Variants in DNAH8 observed in about 807,000 individuals in gnomAD.
DNAH8 encodes dynein axonemal heavy chain 8, also known as axonemal beta dynein heavy chain 8.
Under a neutral mutation model 562.1 loss-of-function variants are expected in DNAH8, and 382 were observed. The observed-to-expected ratio is 0.68, with a 90% confidence interval of 0.63 to 0.74. DNAH8 has a LOEUF of 0.74. DNAH8 is among the 30% of genes least tolerant of loss of function. The pLI is 0.00. For synonymous variants in DNAH8, 1,881 were observed against 1,919.4 expected (o/e 0.98, Z 0.52); for missense variants, 5,203 against 5,620.4 (o/e 0.93, Z 2.37).
chr6:39,017,882 AAG>A (rs1169282413), intron 91 of DNAH8, among the ~76,000 whole-genome samples: 7 of 152,298 alleles, frequency 4.6e-5, no homozygotes, highest in South Asian at 4.1e-4. Context: ...GCTTGTCTTG[AAG>A]AGTTATAAAA....
chr6:38,982,501 C>A, intron 86 of DNAH8, 39 bp downstream of exon 86: 1 of 1,058,128 alleles, frequency 9.5e-7, no homozygotes, highest in South Asian at 1.3e-5. Context: ...TTTTATTGCT[C>A]TTCTTAAATC....
Position 38,845,615 on chromosome 6 carries a change from C to T in DNAH8, c.4887C>T (p.Ala1629=), listed in dbSNP as rs1225011301. The change falls in exon 36 of 93, where the codon GCC becomes GCT. Residue 1629 remains alanine (A), a synonymous_variant. Coordinates refer to ENST00000327475, the MANE Select transcript of DNAH8 (RefSeq NM_001206927.2). ...CCATTAAGGAGAAGGATATCGAAGC[C>T]AAGCTGACTCAGGTGATTGAGAATT... is the stretch of plus-strand genomic sequence containing the variant. ...ISAIKEKDIE[A]KLTQVIENWT... 2 of 1,613,894 alleles carry T rather than the reference C, an allele frequency of 1.2e-6. No individual in the cohort carries two copies. The highest frequency in any genetic ancestry group is 1.7e-6 in the Non-Finnish European group (2 of 1,179,850).
Position 38,890,770 on chromosome 6 carries a change from T to A in DNAH8, c.8583+9T>A, listed in dbSNP as rs1464484221. 2 of 1,588,928 alleles carry A rather than the reference T, an allele frequency of 1.3e-6. No homozygotes were observed. Among genetic ancestry groups the A allele is most frequent in the East Asian group, 2.2e-5 (1 of 44,732 alleles). ...TGTGGCAATGGACTAAGGTACAGAA[T>A]GGTTTGTCAATAATTTTTAAAAAGG... On this transcript the variant is annotated intron_variant, in intron 58 of 92. Coordinates refer to ENST00000327475, the MANE Select transcript of DNAH8 (RefSeq NM_001206927.2).
chr6:38,818,172 A>G (rs1406504112), intron 26 of DNAH8, among the ~76,000 whole-genome samples: 1 of 152,230 alleles, frequency 6.6e-6, no homozygotes, highest in African/African-American at 2.4e-5. Flanking sequence ...TAATTTTTCC[A>G]AAGTCACAAA....
chr6:38,988,948 C>T (rs971870853), intron 87 of DNAH8, among the ~76,000 whole-genome samples: 1 of 152,166 alleles, frequency 6.6e-6, no homozygotes, highest in African/African-American at 2.4e-5. Context: ...TTGGCTCATC[C>T]CTCCGCTGGG....
chr6:38,918,084 T>G lies in DNAH8; in HGVS notation c.10468T>G (p.Trp3490Gly). 1.9e-6 allele frequency: 3 copies of G among 1,613,904 alleles called. No homozygotes were observed. The highest frequency in any genetic ancestry group is 2.5e-6 in the Non-Finnish European group (3 of 1,179,898). ...TGGGAATGTGGCTGGTCTCCTGTCT[T>G]GGACACTTGCTATGGCAATATTTTA... ...VCGNVAGLLS[W>G]TLAMAIFYGI... Residue 3490 changes from tryptophan to glycine, a missense_variant, in exon 70 of 93, where the codon TGG (tryptophan) becomes GGG (glycine). By Grantham distance (184) the Trp-to-Gly change is radical (BLOSUM62 -2). This residue lies in a region of DNAH8 where 1,399 missense variants were observed against 1,518.4 expected (regional missense o/e 0.92). Transcript: ENST00000327475.
rs751582101 is a variant in DNAH8 at position 38,863,974 on chromosome 6, G to A, written c.6412G>A (p.Ala2138Thr). ...ACAACAAATTTATATTGTTTTGACAGCAAGAAAAGAAAGAAAGAAACAGTT... is the reference window on the plus strand; with the variant it reads ...ACAACAAATTTATATTGTTTTGACAACAAGAAAAGAAAGAAAGAAACAGTT... ...AAQQIYIVLT[A>T]RKERKKQFIF... The change falls in exon 45 of 93, where the codon GCA becomes ACA. Residue 2138 changes from alanine (A) to threonine (T), a missense_variant. Ala to Thr is a moderately conservative substitution (Grantham distance 58, BLOSUM62 0). This residue lies in a region of DNAH8 where 2,176 missense variants were observed against 2,365.1 expected (regional missense o/e 0.92). Coordinates refer to ENST00000327475, the MANE Select transcript of DNAH8 (RefSeq NM_001206927.2). 60 of 1,612,492 alleles carry A rather than the reference G, an allele frequency of 3.7e-5. No homozygotes were observed. The South Asian group carries it at 6.1e-4, about 16-fold the overall frequency.
At chr6:38,821,230 A>G (rs1201507401) in intron 26 of DNAH8, among the ~76,000 whole-genome samples, 1 of 152,232 alleles carries the variant, frequency 6.6e-6, no homozygotes, top group Non-Finnish European at 1.5e-5. Context: ...AAAATGAAAT[A>G]AAACAATTTA....
Position 38,890,767 on chromosome 6 carries a change from G to T in DNAH8, c.8583+6G>T, listed in dbSNP as rs780566785. 86 of 1,593,308 alleles carry T rather than the reference G, an allele frequency of 5.4e-5. No individual in the cohort carries two copies. The highest frequency in any genetic ancestry group is 7.2e-5 in the Non-Finnish European group (84 of 1,161,248). Reference sequence around the variant, plus strand: ...TGCTGTGGCAATGGACTAAGGTACAGAATGGTTTGTCAATAATTTTTAAAA... The same window carrying T: ...TGCTGTGGCAATGGACTAAGGTACATAATGGTTTGTCAATAATTTTTAAAA... On this transcript the variant is annotated splice_donor_region_variant and intron_variant, in intron 58 of 92. Transcript: ENST00000327475.
chr6:39,004,095 G>C (rs1765652104), intron 88 of DNAH8, among the ~76,000 whole-genome samples: 1 of 151,960 alleles, frequency 6.6e-6, no homozygotes. Context: ...ATATATTTAT[G>C]CTAGGCATGG....
chr6:38,889,485 A>G (rs950561669), intron 57 of DNAH8, among the ~76,000 whole-genome samples: 8 of 152,190 alleles, frequency 5.3e-5, no homozygotes, highest in African/African-American at 1.9e-4. Flanking sequence ...GTAGTTTTCA[A>G]TCTGGTGGTC....
In DNAH8 at chr6:38,901,204, T is replaced by G. The variant is rs372423770; in HGVS notation, c.9194+1298T>G. On this transcript the variant is annotated intron_variant, in intron 62 of 92. Coordinates refer to ENST00000327475, the MANE Select transcript of DNAH8 (RefSeq NM_001206927.2). ...AGCGGATCTTAATTTTAATGAAACA[T>G]TCATTTTTTTCTATTTAGTCCTTTT... Among the ~76,000 whole-genome samples the G allele has an allele frequency of 4.6e-5, 7 of 152,300 alleles. No homozygotes were observed. The East Asian group carries it at 7.7e-4, about 17-fold the overall frequency.
At chr6:39,029,218 C>T (rs572283428) in intron 92 of DNAH8, among the ~76,000 whole-genome samples, 21 of 152,226 alleles carry the variant, frequency 1.4e-4, no homozygotes, top group East Asian at 9.7e-4. Flanking sequence ...GGGGCTTTTC[C>T]GGCTCGCCCT....
chr6:38,844,473 T>C (rs1480816731), intron 35 of DNAH8, among the ~76,000 whole-genome samples: 3 of 152,268 alleles, frequency 2.0e-5, no homozygotes, highest in Non-Finnish European at 4.4e-5. Flanking sequence ...CACAAAAAGC[T>C]TTTCTTTCAA....
chr6:38,817,416 C>A (rs1772384749), intron 26 of DNAH8, among the ~76,000 whole-genome samples: 1 of 152,184 alleles, frequency 6.6e-6, no homozygotes, highest in Non-Finnish European at 1.5e-5. Context: ...ACCCCTATGG[C>A]ACCTTTCTAT....
At chr6:38,829,056 C>T (rs959871723) in intron 30 of DNAH8, among the ~76,000 whole-genome samples, 3 of 152,124 alleles carry the variant, frequency 2.0e-5, no homozygotes, top group South Asian at 2.1e-4. Flanking sequence ...TGTCCATGTG[C>T]GAGGACTTCA....
intron 24 of DNAH8, among the ~76,000 whole-genome samples, chr6:38,809,669 A>G (rs1771620824): frequency 1.3e-5 from 2 of 152,186 alleles, no homozygotes; most frequent in Non-Finnish European, 2.9e-5. Context: ...ATCTCTGTGT[A>G]AAGGTCCTGC....
intron 88 of DNAH8, among the ~76,000 whole-genome samples, chr6:38,990,398 A>G (rs989206424): frequency 2.1e-4 from 32 of 152,114 alleles, no homozygotes; most frequent in African/African-American, 7.2e-4. Context: ...GTTAAGCTCT[A>G]ATTTATGCAT....
intron 8 of DNAH8, among the ~76,000 whole-genome samples, chr6:38,746,811 C>A (rs1764978139): frequency 6.6e-6 from 1 of 152,010 alleles, no homozygotes; most frequent in South Asian, 2.1e-4. Flanking sequence ...TGCCTGTAAT[C>A]CCAGCTATTC....
Sources: gnomAD v4.1 joint callset for allele counts (sites outside exome capture counted in the v4.1 genomes callset) on GRCh38, gnomAD v4.1.1 for gene constraint, gnomAD v4.1.1 regional missense constraint, MANE v1.5 for transcripts, NCBI Gene and HGNC (gene_info 2026-07-23, HGNC 2026-07-21) for gene names.